The following PSD3 variants were observed in gnomAD, a reference collection of about 807,000 sequenced individuals.
The protein encoded by PSD3 is PH and SEC7 domain-containing protein 3.
A neutral mutation model predicts 105.5 loss-of-function variants in PSD3; 49 were observed. The observed-to-expected ratio is 0.46, with a 90% CI of 0.37 to 0.59. PSD3 has a LOEUF of 0.59. Ranked by LOEUF, PSD3 falls within the 20% of genes least tolerant of loss-of-function variation. The pLI, the probability that PSD3 is intolerant of heterozygous loss-of-function variation, is 0.00. For synonymous variants in PSD3, 557 were observed against 457.8 expected, an observed-to-expected ratio of 1.22 and a Z score of -2.77; for missense variants, 1,561 against 1,263.8, an observed-to-expected ratio of 1.24 and a Z score of -3.57.
In PSD3 at chr8:19,005,625, C is replaced by G. The variant is rs184244416; in HGVS notation, c.21+7938G>C. Among the ~76,000 whole-genome samples, 129 of 152,040 alleles carry G rather than the reference C, an allele frequency of 8.5e-4. 1 individual carries two copies. Among genetic ancestry groups the G allele is most frequent in the Middle Eastern group, 3.4e-3 (1 of 292 alleles). On this transcript the variant is annotated intron_variant, in intron 1 of 15. Coordinates refer to ENST00000327040, the MANE Select transcript of PSD3 (RefSeq NM_015310.4). ...TCAGCCTCCTGAGTGGCTGCGATTA[C>G]AGGCACACATCACCATGCTCAGCTA...
At chr8:18,951,409 C>CA (rs1412759087) in intron 1 of PSD3, among the ~76,000 whole-genome samples, 1 of 151,768 alleles carries the variant, frequency 6.6e-6, no homozygotes, top group African/African-American at 2.4e-5. Context: ...CTCAAGAAAA[C>CA]AAAAAACAAA....
intron 2 of PSD3, among the ~76,000 whole-genome samples, chr8:18,926,383 T>C (rs1821363138): frequency 6.6e-6 from 1 of 151,762 alleles, no homozygotes; most frequent in Admixed American, 6.6e-5. Flanking sequence ...TTGGGTGTCA[T>C]CCTCAAGATA....
At chr8:18,919,655 C>T (rs1820865036) in intron 2 of PSD3, among the ~76,000 whole-genome samples, 2 of 151,998 alleles carry the variant, frequency 1.3e-5, no homozygotes, top group African/African-American at 2.4e-5. Flanking sequence ...CCTTCACTTC[C>T]CTGCGCAATA....
chr8:18,836,403 T>C (rs551494261), intron 4 of PSD3, among the ~76,000 whole-genome samples: 1 of 152,342 alleles, frequency 6.6e-6, no homozygotes, highest in East Asian at 1.9e-4. Flanking sequence ...GACATTAACT[T>C]ATGTGGATTT....
At chr8:18,921,870 C>G (rs921314368) in intron 2 of PSD3, among the ~76,000 whole-genome samples, 4 of 152,132 alleles carry the variant, frequency 2.6e-5, no homozygotes, top group African/African-American at 9.7e-5. Context: ...CTGAAGGCAC[C>G]AGCACTATTT....
intron 1 of PSD3, among the ~76,000 whole-genome samples, chr8:19,022,797 C>T (rs957560600): frequency 6.6e-5 from 10 of 151,778 alleles, no homozygotes. Flanking sequence ...CTCTCATTAG[C>T]ACTTATTTTT....
At chr8:18,956,127 A>T (rs7831969) in intron 1 of PSD3, among the ~76,000 whole-genome samples, 37,710 of 152,136 alleles carry the variant, frequency 0.25, 4,767 homozygotes, top group East Asian at 0.27. Flanking sequence ...TGAAAGAAAA[A>T]GACTTTTCTG....
chr8:18,825,200 G>C (rs1356636889), intron 4 of PSD3, among the ~76,000 whole-genome samples: 1 of 152,124 alleles, frequency 6.6e-6, no homozygotes, highest in East Asian at 1.9e-4. Context: ...TAAAGTTTGA[G>C]AACCCAAAAG....
chr8:18,919,073 G>T (rs1218132156), intron 2 of PSD3, among the ~76,000 whole-genome samples: 1 of 151,986 alleles, frequency 6.6e-6, no homozygotes, highest in African/African-American at 2.4e-5. Context: ...GATTTTCAAA[G>T]AATATCTAGA....
At chr8:18,820,216 C>T (rs1427941351) in intron 4 of PSD3, among the ~76,000 whole-genome samples, 1 of 144,636 alleles carries the variant, frequency 6.9e-6, no homozygotes, top group African/African-American at 2.6e-5. Flanking sequence ...ACCATTTTCT[C>T]CAAGTGAAAT....
At chr8:18,549,731 G>C (rs770343362) in intron 15 of PSD3, among the ~76,000 whole-genome samples, 2 of 152,170 alleles carry the variant, frequency 1.3e-5, no homozygotes, top group Non-Finnish European at 2.9e-5. Context: ...TCACACCTAG[G>C]TGGTTTACAT....
chr8:18,611,195 G>C (rs1477549086), intron 11 of PSD3, among the ~76,000 whole-genome samples: 1 of 150,816 alleles, frequency 6.6e-6, no homozygotes, highest in Non-Finnish European at 1.5e-5. Context: ...CTTATGAATA[G>C]GATTTAGAGG....
At chr8:18,947,407 G>A (rs1430713855) in intron 1 of PSD3, among the ~76,000 whole-genome samples, 1 of 152,236 alleles carries the variant, frequency 6.6e-6, no homozygotes, top group African/African-American at 2.4e-5. Context: ...TCATGGCCTT[G>A]TTAAAAGCCC....
At chr8:18,649,055 C>G (rs570526981) in intron 10 of PSD3, among the ~76,000 whole-genome samples, 57 of 152,302 alleles carry the variant, frequency 3.7e-4, no homozygotes, top group African/African-American at 1.3e-3. Context: ...TAGGGGAGTG[C>G]AGAAGAGAAA....
intron 10 of PSD3, among the ~76,000 whole-genome samples, chr8:18,643,817 T>C (rs1226464087): frequency 6.6e-6 from 1 of 152,202 alleles, no homozygotes; most frequent in East Asian, 1.9e-4. Context: ...GAAATCTAGG[T>C]AAAGAAAGCC....
At position 18,831,487 on chromosome 8, in the gene PSD3, C is replaced by T. The variant is rs55788460; in HGVS notation, c.1635-26589G>A. Among the ~76,000 whole-genome samples, 1,162 of 152,180 alleles carry T rather than the reference C, an allele frequency of 7.6e-3. 14 individuals are homozygous for T. The highest frequency in any genetic ancestry group is 0.026 in the African/African-American group (1,063 of 41,520). ...CTGTAATCCCAGCACTTTGGGAGGC[C>T]GAGGCAGGCAGATCACCCGAGGTCC... On this transcript the variant is annotated intron_variant, in intron 4 of 15. Transcript: ENST00000327040.
chr8:18,879,590 G>GCTT (rs138389246), intron 2 of PSD3, among the ~76,000 whole-genome samples: 2,787 of 152,088 alleles, frequency 0.018, 99 homozygotes, highest in East Asian at 0.14. Context: ...ATTCATCATT[G>GCTT]CTTTTTTTTT....
At chr8:18,765,080 A>G (rs73199975) in intron 9 of PSD3, among the ~76,000 whole-genome samples, 8,607 of 152,264 alleles carry the variant, frequency 0.057, 397 homozygotes, top group African/African-American at 0.12. Flanking sequence ...CACAGTTGGA[A>G]CTGTTTCCAT....
chr8:18,641,126 C>A (rs559730386), intron 10 of PSD3, among the ~76,000 whole-genome samples: 1 of 152,212 alleles, frequency 6.6e-6, no homozygotes, highest in Non-Finnish European at 1.5e-5. Context: ...CTAGCCAGAA[C>A]ATTACAGAAG....
Sources: allele counts gnomAD v4.1 joint callset (sites outside exome capture counted in the v4.1 genomes callset), GRCh38; gene constraint gnomAD v4.1.1; transcripts MANE v1.5; gene names NCBI Gene and HGNC (gene_info 2026-07-23, HGNC 2026-07-21).